SLC5A12: variants seen among roughly 807,000 people sequenced by gnomAD.
The protein encoded by SLC5A12 is solute carrier family 5 member 12, also known as sodium-coupled monocarboxylate transporter 2.
Under a neutral mutation model 72.7 loss-of-function variants are expected in SLC5A12, and 46 were observed. The ratio of observed to expected loss-of-function variants is 0.63; its 90% CI spans 0.50 to 0.81. The LOEUF is 0.81. Among genes scored for constraint, SLC5A12 ranks in the 30% least tolerant of loss-of-function variants. The pLI, the probability that SLC5A12 is intolerant of heterozygous loss-of-function variation, is 0.00. For missense variants in SLC5A12, 683 were observed against 740.7 expected, an observed-to-expected ratio of 0.92 and a Z score of 0.90; for synonymous variants, 275 against 264.4, an observed-to-expected ratio of 1.04 and a Z score of -0.39.
intron 8 of SLC5A12, among the ~76,000 whole-genome samples, chr11:26,693,236 T>A (rs923303741): frequency 2.6e-5 from 4 of 152,180 alleles, no homozygotes; most frequent in African/African-American, 9.7e-5. Flanking sequence ...AGATAGGCAC[T>A]GGGAAAATCC....
At chr11:26,677,226 C>A (rs900840059) in intron 13 of SLC5A12, among the ~76,000 whole-genome samples, 1 of 152,122 alleles carries the variant, frequency 6.6e-6, no homozygotes, top group Non-Finnish European at 1.5e-5. Context: ...GCCTGAAGGG[C>A]ATTTGACTAA....
intron 9 of SLC5A12, 149 bp from the exon 10 acceptor site, chr11:26,686,693 G>A (rs914177034): frequency 1.5e-6 from 1 of 646,656 alleles, no homozygotes; most frequent in Admixed American, 2.7e-5. Context: ...GCCATCATCA[G>A]CCCCAAGAGA....
chr11:26,696,493 C>T (rs1183911810), intron 8 of SLC5A12, among the ~76,000 whole-genome samples: 6 of 152,126 alleles, frequency 3.9e-5, no homozygotes, highest in African/African-American at 1.4e-4. Context: ...TAGGTGATTT[C>T]ATCATTGTGC....
At chr11:26,703,410 T>C in intron 6 of SLC5A12, 121 bp downstream of exon 6, 1 of 1,045,568 alleles carries the variant, frequency 9.6e-7, no homozygotes. Context: ...TGCCTCTCTC[T>C]TACACACACA....
chr11:26,673,084 G>A (rs1854180996), intron 14 of SLC5A12, among the ~76,000 whole-genome samples: 1 of 152,134 alleles, frequency 6.6e-6, no homozygotes, highest in South Asian at 2.1e-4. Context: ...ATAGGAGAAT[G>A]TGTCTTCAAT....
chr11:26,693,682 G>A (rs1255355990), intron 8 of SLC5A12, among the ~76,000 whole-genome samples: 4 of 152,126 alleles, frequency 2.6e-5, no homozygotes, highest in African/African-American at 7.2e-5. Context: ...AACAAAAGAT[G>A]TCTAGCAATT....
chr11:26,676,718 A>C (rs1038250457), intron 13 of SLC5A12, among the ~76,000 whole-genome samples: 1 of 152,210 alleles, frequency 6.6e-6, no homozygotes, highest in African/African-American at 2.4e-5. Flanking sequence ...ATCAGTAATA[A>C]TTAAGAATTT....
chr11:26,708,452 CTATTTTAAAATTGTATATAATTGGAA>C (rs1328992774), intron 4 of SLC5A12, among the ~76,000 whole-genome samples: 2 of 151,942 alleles, frequency 1.3e-5, no homozygotes, highest in East Asian at 3.9e-4. Flanking sequence ...AAAGATCAGG[CTATTTTAAAATTGTATATAATTGGAA>C]TAGATGTTAC....
chr11:26,669,671 T>C lies in SLC5A12; in HGVS notation c.*1431A>G, dbSNP rs1256879491. On this transcript the variant is annotated 3_prime_UTR_variant, in exon 15 of 15. Transcript: ENST00000396005. The stretch of plus-strand genomic sequence containing the variant: ...CTCCACTGATTTGTCTGTCTTTCTA[T>C]CTTTTCTAATAATAAATACTGGTAA... The C allele has an allele frequency of 6.6e-6, 1 of 151,896 alleles. No individual in the cohort carries two copies. The highest frequency in any genetic ancestry group is 6.6e-5 in the Admixed American group (1 of 15,234). 9.4% of individuals were successfully genotyped at this position (151,896 alleles called of 1,614,324 possible). A position where few individuals can be genotyped will look rare whatever the true frequency, so the allele number is the denominator to read the frequency against.
chr11:26,692,758 T>C (rs1026870805), intron 8 of SLC5A12, among the ~76,000 whole-genome samples, 157 bp from the exon 9 acceptor site: 6 of 152,212 alleles, frequency 3.9e-5, no homozygotes, highest in Non-Finnish European at 7.3e-5. Flanking sequence ...CTATATGGCC[T>C]CTTTACTCAT....
At chr11:26,674,375 G>GCCAAAAA (rs1262614499) in intron 13 of SLC5A12, among the ~76,000 whole-genome samples, 1 of 68,458 alleles carries the variant, frequency 1.5e-5, no homozygotes, top group Non-Finnish European at 3.5e-5. Flanking sequence ...GCTTTCTAGA[G>GCCAAAAA]ACAAAAAAAA....
intron 9 of SLC5A12, chr11:26,691,573 A>G (rs1854674976): frequency 6.6e-6 from 1 of 152,156 alleles, no homozygotes; most frequent in Non-Finnish European, 1.5e-5. Flanking sequence ...TCATTCAAAT[A>G]CCATGTTTTT....
chr11:26,700,497 T>C (rs1854931224), intron 6 of SLC5A12, among the ~76,000 whole-genome samples: 1 of 135,822 alleles, frequency 7.4e-6, no homozygotes, highest in East Asian at 2.2e-4. Context: ...AAGCAGGTAA[T>C]GAACACTGAA....
At chr11:26,699,067 A>G (rs1854896510) in intron 6 of SLC5A12, among the ~76,000 whole-genome samples, 1 of 152,242 alleles carries the variant, frequency 6.6e-6, no homozygotes, top group Non-Finnish European at 1.5e-5. Flanking sequence ...ACTTAGGATC[A>G]TCTTACCCAT....
At chr11:26,682,554 T>TA (rs1162419200) in intron 11 of SLC5A12, among the ~76,000 whole-genome samples, 2 of 152,140 alleles carry the variant, frequency 1.3e-5, no homozygotes, top group Non-Finnish European at 2.9e-5. Flanking sequence ...TTATAATATT[T>TA]ACTATACTTT....
intron 8 of SLC5A12, among the ~76,000 whole-genome samples, chr11:26,693,886 T>C (rs2133174766): frequency 6.6e-6 from 1 of 152,278 alleles, no homozygotes; most frequent in East Asian, 1.9e-4. Flanking sequence ...ACATGATATG[T>C]GATCCCTGCC....
At chr11:26,687,109 A>G (rs1239034364) in intron 9 of SLC5A12, among the ~76,000 whole-genome samples, 1 of 152,164 alleles carries the variant, frequency 6.6e-6, no homozygotes. Flanking sequence ...TTGTTTCCAT[A>G]TCACCAAAAG....
chr11:26,721,716 T>C lies in SLC5A12; in HGVS notation c.-2A>G, dbSNP rs1855486370. On this transcript the variant is annotated 5_prime_UTR_variant, in exon 1 of 15. Transcript: ENST00000396005. The stretch of plus-strand genomic sequence containing the variant: ...AACTGCAAAGTTCTTCACCTCCATA[T>C]TGGAAAGTATGACACCAGAGAGTTT... 4 of 1,610,544 alleles carry C rather than the reference T, an allele frequency of 2.5e-6. No individual in the cohort carries two copies. Among genetic ancestry groups the C allele is most frequent in the African/African-American group, 2.7e-5 (2 of 74,616 alleles).
At chr11:26,671,847 T>C (rs995740423) in intron 14 of SLC5A12, among the ~76,000 whole-genome samples, 14 of 152,172 alleles carry the variant, frequency 9.2e-5, no homozygotes, top group African/African-American at 3.1e-4. Flanking sequence ...CCGTTGCTTC[T>C]AGAACTTCCT....
Sources: gnomAD v4.1 joint callset for allele counts (sites outside exome capture counted in the v4.1 genomes callset) on GRCh38, gnomAD v4.1.1 for gene constraint, MANE v1.5 for transcripts, NCBI Gene and HGNC (gene_info 2026-07-23, HGNC 2026-07-21) for gene names.